TRIM56: variants seen among roughly 807,000 people sequenced by gnomAD.
TRIM56 encodes the protein E3 ubiquitin-protein ligase TRIM56.
In TRIM56, 10 loss-of-function variants were observed where a neutral mutation model predicts 17.1. That is an observed-to-expected ratio of 0.58 (90% CI 0.36 to 0.99). The LOEUF is 0.99. Ranked by LOEUF, TRIM56 falls within the 50% of genes least tolerant of loss-of-function variation. The probability of loss-of-function intolerance (pLI) is 0.01; values close to 1 mark genes in which losing one functional copy is unlikely to be tolerated. For synonymous variants in TRIM56, 503 were observed against 473.5 expected (o/e 1.06, Z -0.81); for missense variants, 923 against 1,052.3 (o/e 0.88, Z 1.70).
Position 101,088,594 on chromosome 7 carries a change from C to T in TRIM56, c.1282C>T (p.Arg428Ter), listed in dbSNP as rs771434167. 1.1e-5 allele frequency: 17 copies of T among 1,612,912 alleles called. No homozygotes were observed. The highest frequency in any genetic ancestry group is 1.3e-5 in the African/African-American group (1 of 74,920). The change falls in exon 3 of 3, where the codon CGA becomes TGA. Residue 428 changes from arginine (R) to a stop codon, truncating the protein, a stop_gained. Coordinates refer to ENST00000306085, the MANE Select transcript of TRIM56 (RefSeq NM_030961.3). LOFTEE classifies it high-confidence loss of function. The stretch of plus-strand genomic sequence containing the variant: ...AAAAGAGGAAAAAGCCCAGACAACC[C>T]GAGAAGAGGGAGCCCAGACCTTGGA... ...TPKEEKAQTTREEGAQTLEED... is the reference protein window; with the variant it reads ...TPKEEKAQTT
In TRIM56 at chr7:101,095,127, A is replaced by ATCTC. The variant is rs1562841706; in HGVS notation, c.*5547_*5548insTCTC. 1 of 151,568 alleles carries ATCTC rather than the reference A, an allele frequency of 6.6e-6. No individual in the cohort carries two copies. Among genetic ancestry groups the ATCTC allele is most frequent in the East Asian group, 1.9e-4 (1 of 5,160 alleles). The allele number at this position is 151,568 out of a possible 1,614,324, so 9.4% of individuals were successfully genotyped here. A position where few individuals can be genotyped will look rare whatever the true frequency, so the allele number is the denominator to read the frequency against. Reference sequence around the variant, plus strand: ...CAGTGGTCACTCCTGTTATCTCAGCACTTTGCGTGGCCAAGGCGGGAGGAT... The same window carrying ATCTC: ...CAGTGGTCACTCCTGTTATCTCAGCATCTCCTTTGCGTGGCCAAGGCGGGAGGAT... On this transcript the variant is annotated 3_prime_UTR_variant, in exon 3 of 3. Transcript: ENST00000306085.
chr7:101,087,999 G>T lies in TRIM56; in HGVS notation c.687G>T (p.Glu229Asp). ...LLAGVDNNLV[E>D]LEAARRVEKE... ...CCGGTGTGGACAATAACCTGGTGGA[G>T]CTGGAGGCAGCGCGGAGGGTGGAGA... Residue 229 changes from glutamate to aspartate, a missense_variant, in exon 3 of 3, where the codon GAG becomes GAT. Glu to Asp is a conservative substitution (Grantham distance 45). Around this residue, in one of 3 missense-constraint regions of TRIM56, gnomAD observed 643 missense variants for 665.6 expected, o/e 0.97. Transcript: ENST00000306085. 1 of 1,584,634 alleles carries T rather than the reference G, an allele frequency of 6.3e-7. No homozygotes were observed. The highest frequency in any genetic ancestry group is 8.5e-7 in the Non-Finnish European group (1 of 1,172,216).
Position 101,088,833 on chromosome 7 carries a change from C to A in TRIM56, c.1521C>A (p.Ser507=). 6.2e-7 allele frequency: 1 copy of A among 1,613,794 alleles called. No homozygotes were observed. Among genetic ancestry groups the A allele is most frequent in the Non-Finnish European group, 8.5e-7 (1 of 1,180,040 alleles). Residue 507 remains serine, a synonymous_variant, in exon 3 of 3, where the codon TCC becomes TCA. Coordinates refer to ENST00000306085, the MANE Select transcript of TRIM56 (RefSeq NM_030961.3). ...FPTRMPGDKR[S]PRITGLCPFG... ...CGCGGATGCCTGGAGACAAGCGGTC[C>A]CCCCGGATCACCGGGCTCTGTCCCT...
chr7:101,092,456 G>C lies in TRIM56; in HGVS notation c.*2876G>C, dbSNP rs2116540726. The C allele has an allele frequency of 5.7e-6, 1 of 174,846 alleles. No individual in the cohort carries two copies. The highest frequency in any genetic ancestry group is 1.8e-4 in the East Asian group (1 of 5,710). The allele number at this position is 174,846 out of a possible 1,614,324, so 10.8% of individuals were successfully genotyped here. ...CCGGCCGCGACCCAGTCTGGGAGGT[G>C]AGGAGCGTCTCTGCCCAGCCGCCCC... On this transcript the variant is annotated 3_prime_UTR_variant, in exon 3 of 3. Coordinates refer to ENST00000306085, the MANE Select transcript of TRIM56 (RefSeq NM_030961.3).
In TRIM56 at chr7:101,088,225, G is replaced by A. The variant is rs1314859276; in HGVS notation, c.913G>A (p.Ala305Thr). The A allele has an allele frequency of 2.1e-6, 3 of 1,459,114 alleles. No individual in the cohort carries two copies. The highest frequency in any genetic ancestry group is 2.7e-6 in the Non-Finnish European group (3 of 1,111,488). 90.4% of individuals were successfully genotyped at this position (1,459,114 alleles called of 1,614,324 possible). The change falls in exon 3 of 3, where the codon GCA becomes ACA. Residue 305 changes from alanine to threonine, a missense_variant. Physicochemically the swap from Ala to Thr is moderately conservative, Grantham distance 58 (BLOSUM62 0). Coordinates refer to ENST00000306085, the MANE Select transcript of TRIM56 (RefSeq NM_030961.3). ...GGGCCGGGAGCAGGTGGCCAGGGCC[G>A]CAGCCGCCTTCGCCCGCCGGGTACT... ...LEGREQVARAAAAFARRVLSL... is the reference protein window; with the variant it reads ...LEGREQVARATAAFARRVLSL...
At position 101,087,936 on chromosome 7, in the gene TRIM56, T is replaced by C. The variant is rs201911599; in HGVS notation, c.624T>C (p.Ala208=). The part of the protein sequence containing the change: ...LDHPCLPLAE[A]VRARRPGLEG... ...ACCCCTGCCTGCCTCTGGCTGAAGC[T>C]GTGCGTGCCCGGAGGCCGGGCCTGG... The change falls in exon 3 of 3, where the codon GCT becomes GCC. Residue 208 remains alanine (A), a synonymous_variant. Coordinates refer to ENST00000306085, the MANE Select transcript of TRIM56 (RefSeq NM_030961.3). The C allele has an allele frequency of 2.2e-5, 35 of 1,600,646 alleles. 2 individuals carry two copies. The Admixed American group carries it at 4.6e-4, about 21-fold the overall frequency.
At position 101,088,055 on chromosome 7, in the gene TRIM56, C is replaced by T. The variant is rs1041726921; in HGVS notation, c.743C>T (p.Ala248Val). ...GCGCTAGCCCGGCTGCGGGAGCAGG[C>T]GGCCCGGGTGGGGACTCAGGTGGAG... ...KEALARLREQ[A>V]ARVGTQVEEA... The change falls in exon 3 of 3, where the codon GCG (alanine) becomes GTG (valine). Residue 248 changes from alanine to valine, a missense_variant. Transcript: ENST00000306085. 33 of 1,531,260 alleles carry T rather than the reference C, an allele frequency of 2.2e-5. No individual in the cohort carries two copies. The African/African-American group carries it at 2.7e-4, about 13-fold the overall frequency. The allele number at this position is 1,531,260 out of a possible 1,614,324, so 94.9% of individuals were successfully genotyped here. A position where few individuals can be genotyped will look rare whatever the true frequency, so the allele number is the denominator to read the frequency against.
chr7:101,095,435 G>C lies in TRIM56; in HGVS notation c.*5855G>C, dbSNP rs148362203. The C allele has an allele frequency of 6.6e-6, 1 of 152,448 alleles. No individual in the cohort carries two copies. The highest frequency in any genetic ancestry group is 2.4e-5 in the African/African-American group (1 of 41,554). 9.4% of individuals were successfully genotyped at this position (152,448 alleles called of 1,614,324 possible). On this transcript the variant is annotated 3_prime_UTR_variant, in exon 3 of 3. Coordinates refer to ENST00000306085, the MANE Select transcript of TRIM56 (RefSeq NM_030961.3). ...GGTGTCCCGCTTCTGTGCATGTGGA[G>C]GGGGTAACTGGGAACCGTGTACTGT...
In TRIM56 at chr7:101,088,654, G is replaced by C. The variant is rs766339194; in HGVS notation, c.1342G>C (p.Gly448Arg). ...GGCCCAGACACCCCACGAGGATGGA[G>C]GACCCCAGCCCCACAGGGGTGGCAG... ...DRAQTPHEDG[G>R]PQPHRGGRPN... is the part of the protein sequence containing the mutation. The change falls in exon 3 of 3, where the codon GGA (glycine) becomes CGA (arginine). Residue 448 changes from glycine to arginine, a missense_variant. Transcript: ENST00000306085. The C allele has an allele frequency of 1.1e-5, 18 of 1,614,084 alleles. No homozygotes were observed. The East Asian group carries it at 4.0e-4, about 36-fold the overall frequency.
At position 101,091,961 on chromosome 7, in the gene TRIM56, T is replaced by C; in HGVS notation, c.*2381T>C. 3.3e-6 allele frequency: 1 copy of C among 301,744 alleles called. No individual in the cohort carries two copies. The highest frequency in any genetic ancestry group is 6.6e-6 in the Non-Finnish European group (1 of 152,432). 18.7% of individuals were successfully genotyped at this position (301,744 alleles called of 1,614,324 possible). ...CGCCGCCACGCCTGACTGGTTTTCG[T>C]ATTTTTTTGGTGGAGACGGGGTTTC... On this transcript the variant is annotated 3_prime_UTR_variant, in exon 3 of 3. Coordinates refer to ENST00000306085, the MANE Select transcript of TRIM56 (RefSeq NM_030961.3).
rs548123222 is a variant in TRIM56 at position 101,092,120 on chromosome 7, C to G, written c.*2540C>G. 36 of 265,068 alleles carry G rather than the reference C, an allele frequency of 1.4e-4. No homozygotes were observed. Among genetic ancestry groups the G allele is most frequent in the Admixed American group, 4.1e-4 (8 of 19,278 alleles). 16.4% of individuals were successfully genotyped at this position (265,068 alleles called of 1,614,324 possible). ...TGTTGCCCAGGCTGGAGTGCAGTGT[C>G]GTGATCTCGGCTAGCTACAACCTCC... On this transcript the variant is annotated 3_prime_UTR_variant, in exon 3 of 3. Transcript: ENST00000306085.
rs530352668 is a variant in TRIM56, at chr7:101,097,908, C to CAAATTCAGAA, written c.*8329_*8330insAATTCAGAAA. On this transcript the variant is annotated 3_prime_UTR_variant, in exon 3 of 3. Transcript: ENST00000306085. ...TCTTTTGAAAAATGGGAACCTTTCT[C>CAAATTCAGAA]AGATGGGAATTTTGTATCTTTCCTC... 6 of 151,960 alleles carry CAAATTCAGAA rather than the reference C, an allele frequency of 3.9e-5. No homozygotes were observed. In the South Asian group the frequency reaches 1.2e-3, roughly 32 times the overall value. 9.4% of individuals were successfully genotyped at this position (151,960 alleles called of 1,614,324 possible).
chr7:101,093,811 C>T lies in TRIM56; in HGVS notation c.*4231C>T, dbSNP rs1236925218. The stretch of plus-strand genomic sequence containing the variant: ...CCCCATTGCACTCCAGCCTGGGTGT[C>T]ACAGTGAGACTCTGTCTCAAAAAAA... On this transcript the variant is annotated 3_prime_UTR_variant, in exon 3 of 3. Transcript: ENST00000306085. 1 of 152,154 alleles carries T rather than the reference C, an allele frequency of 6.6e-6. No individual in the cohort carries two copies. Among genetic ancestry groups the T allele is most frequent in the Non-Finnish European group, 1.5e-5 (1 of 68,040 alleles). The allele number at this position is 152,154 out of a possible 1,614,324, so 9.4% of individuals were successfully genotyped here.
At chr7:101,086,064 T>C (rs1795443834) in intron 1 of TRIM56, among the ~76,000 whole-genome samples, 1 of 152,106 alleles carries the variant, frequency 6.6e-6, no homozygotes, top group South Asian at 2.1e-4. Context: ...ATGCAGAAAG[T>C]GGGGCCTCCA....
Position 101,091,168 on chromosome 7 carries a change from T to C in TRIM56, c.*1588T>C, listed in dbSNP as rs1191748557. ...GGGGGCAAGTAGGCTTGGAGAATGT[T>C]TTTAGCCAGGGGCTGTTGAGAGATG... On this transcript the variant is annotated 3_prime_UTR_variant, in exon 3 of 3. Transcript: ENST00000306085. 1 of 152,136 alleles carries C rather than the reference T, an allele frequency of 6.6e-6. No individual in the cohort carries two copies. The highest frequency in any genetic ancestry group is 1.9e-4 in the East Asian group (1 of 5,190). The allele number at this position is 152,136 out of a possible 1,614,324, so 9.4% of individuals were successfully genotyped here.
rs897742683 is a variant in TRIM56, at chr7:101,094,414, A to G, written c.*4834A>G. 1.3e-5 allele frequency: 2 copies of G among 152,150 alleles called. No homozygotes were observed. The highest frequency in any genetic ancestry group is 4.8e-5 in the African/African-American group (2 of 41,414). The allele number at this position is 152,150 out of a possible 1,614,324, so 9.4% of individuals were successfully genotyped here. ...TTTGTGCTATTATTCATACGTGTAC[A>G]TTTCTACTTCAGTTTTTATTATCCA... On this transcript the variant is annotated 3_prime_UTR_variant, in exon 3 of 3. Coordinates refer to ENST00000306085, the MANE Select transcript of TRIM56 (RefSeq NM_030961.3).
rs4524722 is a variant in TRIM56, at chr7:101,088,224, C to A, written c.912C>A (p.Ala304=). 2.1e-3 allele frequency: 3,138 copies of A among 1,459,996 alleles called. 73 individuals are homozygous for A. The African/African-American group carries it at 0.041, about 19-fold the overall frequency. The allele number at this position is 1,459,996 out of a possible 1,614,324, so 90.4% of individuals were successfully genotyped here. A position where few individuals can be genotyped will look rare whatever the true frequency, so the allele number is the denominator to read the frequency against. Residue 304 remains alanine (A), a synonymous_variant, in exon 3 of 3, where the codon GCC becomes GCA. Transcript: ENST00000306085. ...AGGGCCGGGAGCAGGTGGCCAGGGC[C>A]GCAGCCGCCTTCGCCCGCCGGGTAC... ...ELEGREQVAR[A]AAAFARRVLS...
rs1186350594 is a variant in TRIM56, at chr7:101,097,729, G to A, written c.*8149G>A. 6.6e-6 allele frequency: 1 copy of A among 152,224 alleles called. No individual in the cohort carries two copies. Among genetic ancestry groups the A allele is most frequent in the Non-Finnish European group, 1.5e-5 (1 of 68,050 alleles). The allele number at this position is 152,224 out of a possible 1,614,324, so 9.4% of individuals were successfully genotyped here. A position where few individuals can be genotyped will look rare whatever the true frequency, so the allele number is the denominator to read the frequency against. On this transcript the variant is annotated 3_prime_UTR_variant, in exon 3 of 3. Coordinates refer to ENST00000306085, the MANE Select transcript of TRIM56 (RefSeq NM_030961.3). ...TGACTTAGCAACCAAGGGACACTGG[G>A]TCAAAGACGAGGAATCAGGACGTCG...
chr7:101,094,884 TGTGATACCTCATA>T lies in TRIM56; in HGVS notation c.*5307_*5319del, dbSNP rs1795633103. ...GCAGCTCTGTCTGCAGAGCCAGCACTGTGATACCTCATAGTAGGTGCTCAGTGAATGTCTGTGA... is the reference window on the plus strand; with the variant it reads ...GCAGCTCTGTCTGCAGAGCCAGCACTGTAGGTGCTCAGTGAATGTCTGTGA... On this transcript the variant is annotated 3_prime_UTR_variant, in exon 3 of 3. Transcript: ENST00000306085. 6.6e-6 allele frequency: 1 copy of T among 151,984 alleles called. No homozygotes were observed. Among genetic ancestry groups the T allele is most frequent in the African/African-American group, 2.4e-5 (1 of 41,342 alleles). The allele number at this position is 151,984 out of a possible 1,614,324, so 9.4% of individuals were successfully genotyped here. A position where few individuals can be genotyped will look rare whatever the true frequency, so the allele number is the denominator to read the frequency against.
Sources: gnomAD v4.1 joint callset for allele counts (sites outside exome capture counted in the v4.1 genomes callset) on GRCh38, gnomAD v4.1.1 for gene constraint, gnomAD v4.1.1 regional missense constraint, MANE v1.5 for transcripts, NCBI Gene and HGNC (gene_info 2026-07-23, HGNC 2026-07-21) for gene names.